The following CNTLN variants were observed in gnomAD, a reference collection of about 807,000 sequenced individuals.
CNTLN encodes centlein, centrosomal protein.
CNTLN carries 212 observed loss-of-function variants against 180.0 expected under a neutral mutation model. That is an observed-to-expected ratio of 1.18 (90% CI 1.05 to 1.32). CNTLN has a LOEUF of 1.32. Ranked by LOEUF, CNTLN falls within the 40% of genes most tolerant of loss-of-function variation. CNTLN has a pLI of 0.00. For missense variants in CNTLN, 2,095 were observed against 1,610.9 expected (o/e 1.30, Z -5.14); for synonymous variants, 722 against 563.1 (o/e 1.28, Z -3.99).
At position 17,475,884 on chromosome 9, in the gene CNTLN, A is replaced by C. The variant is rs1832313553; in HGVS notation, c.3856-8411A>C. Among the ~76,000 whole-genome samples, 3 of 151,930 alleles carry C rather than the reference A, an allele frequency of 2.0e-5. 1 individual carries two copies. Among genetic ancestry groups the C allele is most frequent in the South Asian group, 4.1e-4 (2 of 4,820 alleles). Reference sequence around the variant, plus strand: ...CAAGACTCTCTCTCAAAAAAAAAAAAAAAAAAGAAGATAGGATGTAGCTGT... The same window carrying C: ...CAAGACTCTCTCTCAAAAAAAAAAACAAAAAAGAAGATAGGATGTAGCTGT... On this transcript the variant is annotated intron_variant, in intron 23 of 25. Coordinates refer to ENST00000380647, the MANE Select transcript of CNTLN (RefSeq NM_017738.4).
chr9:17,477,315 GC>G (rs1254479629), intron 23 of CNTLN, among the ~76,000 whole-genome samples: 2 of 152,122 alleles, frequency 1.3e-5, no homozygotes, highest in African/African-American at 4.8e-5. Context: ...CCATTCTTCA[GC>G]TCATGTTTCA....
At chr9:17,413,716 A>G (rs2593388) in intron 16 of CNTLN, among the ~76,000 whole-genome samples, 137,505 of 152,200 alleles carry the variant, frequency 0.9, 62,612 homozygotes, top group Non-Finnish European at 0.97. Context: ...TGAAAATACC[A>G]AGTGCTGACC....
rs771928131 is a variant in CNTLN at position 17,484,304 on chromosome 9, A to G, written c.3865A>G (p.Lys1289Glu). The G allele has an allele frequency of 2.5e-6, 4 of 1,597,668 alleles. No homozygotes were observed. The African/African-American group carries it at 4.1e-5, about 16-fold the overall frequency. ...TTCCAATATGTTACAGGCTTTGGCC[A>G]AAGAGTTGCAAAATGATGTCCATGT... The part of the protein sequence containing the change: ...EFTTFVKALA[K>E]ELQNDVHVVR... The change falls in exon 24 of 26, where the codon AAA (lysine) becomes GAA (glutamate). Residue 1289 changes from lysine to glutamate, a missense_variant. By Grantham distance (56) the Lys-to-Glu change is moderately conservative (BLOSUM62 1). Coordinates refer to ENST00000380647, the MANE Select transcript of CNTLN (RefSeq NM_017738.4).
At chr9:17,141,064 T>G (rs1018771151) in intron 1 of CNTLN, among the ~76,000 whole-genome samples, 6 of 152,272 alleles carry the variant, frequency 3.9e-5, no homozygotes, top group Admixed American at 3.9e-4. Context: ...TAGACACAAG[T>G]CTAATTTTAA....
chr9:17,244,206 G>GTT, intron 5 of CNTLN, among the ~76,000 whole-genome samples: 1 of 81,320 alleles, frequency 1.2e-5, no homozygotes. Flanking sequence ...TATAGGTTAG[G>GTT]TTTTTGTTTT....
chr9:17,195,436 G>C (rs943592577), intron 2 of CNTLN, among the ~76,000 whole-genome samples: 2 of 151,572 alleles, frequency 1.3e-5, no homozygotes, highest in Admixed American at 6.6e-5. Flanking sequence ...TTTCCTTTTT[G>C]ATATACTTTC....
intron 9 of CNTLN, 118 bp from the exon 10 acceptor site, chr9:17,332,486 AT>A (rs3084508): frequency 0.24 from 186,814 of 763,878 alleles, 7,793 homozygotes; most frequent in South Asian, 0.33. Context: ...TCCATGCAGG[AT>A]TTTTTTTTTT....
At chr9:17,363,795 C>G (rs182319790) in intron 12 of CNTLN, among the ~76,000 whole-genome samples, 25 of 152,078 alleles carry the variant, frequency 1.6e-4, no homozygotes, top group African/African-American at 5.1e-4. Context: ...TTGTATATAT[C>G]TGTTAGTGTC....
chr9:17,522,686 T>A, the CNTLN span, among the ~76,000 whole-genome samples: 14 of 152,060 alleles, frequency 9.2e-5, no homozygotes, highest in African/African-American at 3.4e-4. Flanking sequence ...GGTACAAGGA[T>A]ATTCAGGCTA....
chr9:17,310,920 C>G (rs1029015799), intron 8 of CNTLN, among the ~76,000 whole-genome samples: 10 of 151,902 alleles, frequency 6.6e-5, no homozygotes, highest in Non-Finnish European at 1.3e-4. Context: ...TTTATATATT[C>G]TTAATATTAA....
intron 11 of CNTLN, 22 bp downstream of exon 11, chr9:17,340,970 G>A: frequency 6.3e-7 from 1 of 1,587,544 alleles, no homozygotes; most frequent in South Asian, 1.2e-5. Context: ...AGCTCATAAA[G>A]GCATTTCCCT....
At chr9:17,458,164 A>G (rs976572101) in intron 19 of CNTLN, among the ~76,000 whole-genome samples, 3 of 151,536 alleles carry the variant, frequency 2.0e-5, no homozygotes, top group Non-Finnish European at 3.0e-5. Context: ...TCTGTCTCCA[A>G]CCAACAACCA....
intron 25 of CNTLN, among the ~76,000 whole-genome samples, chr9:17,493,461 C>A (rs1049960679): frequency 6.6e-6 from 1 of 152,018 alleles, no homozygotes; most frequent in Non-Finnish European, 1.5e-5. Context: ...ACCTCCTATA[C>A]CGTGCTAAGG....
chr9:17,282,443 T>C (rs1474653376), intron 6 of CNTLN, among the ~76,000 whole-genome samples: 1 of 152,198 alleles, frequency 6.6e-6, no homozygotes, highest in East Asian at 1.9e-4. Context: ...GGCTGTTTGT[T>C]TTTTTCTTGT....
At chr9:17,213,123 C>T (rs574762570) in intron 2 of CNTLN, among the ~76,000 whole-genome samples, 1 of 152,094 alleles carries the variant, frequency 6.6e-6, no homozygotes, top group Non-Finnish European at 1.5e-5. Flanking sequence ...GCTCTTGCTT[C>T]TCTAGTTCTT....
At chr9:17,354,923 A>T (rs1205440534) in intron 12 of CNTLN, among the ~76,000 whole-genome samples, 1 of 151,994 alleles carries the variant, frequency 6.6e-6, no homozygotes. Context: ...CAGCGAGACC[A>T]CGAGCCCACC....
At chr9:17,191,994 A>T (rs1489273108) in intron 2 of CNTLN, among the ~76,000 whole-genome samples, 1 of 152,018 alleles carries the variant, frequency 6.6e-6, no homozygotes, top group Non-Finnish European at 1.5e-5. Flanking sequence ...TGTTTTTTTG[A>T]CTCAAAAATG....
In CNTLN at chr9:17,475,595, G is replaced by A. The variant is rs911643569; in HGVS notation, c.3856-8700G>A. 2.6e-5 allele frequency among the ~76,000 whole-genome samples: 4 copies of A among 151,934 alleles called. No homozygotes were observed. In the East Asian group the frequency reaches 5.8e-4, roughly 22 times the overall value. On this transcript the variant is annotated intron_variant, in intron 23 of 25. Coordinates refer to ENST00000380647, the MANE Select transcript of CNTLN (RefSeq NM_017738.4). Reference sequence around the variant, plus strand: ...ATAGTAAATAAAGAAGATAGGGGCCGGGCACAGTGGCTCACGTCTGTAATC... The same window carrying A: ...ATAGTAAATAAAGAAGATAGGGGCCAGGCACAGTGGCTCACGTCTGTAATC...
At chr9:17,382,154 A>G (rs1292486680) in intron 13 of CNTLN, among the ~76,000 whole-genome samples, 2 of 152,206 alleles carry the variant, frequency 1.3e-5, no homozygotes, top group African/African-American at 4.8e-5. Flanking sequence ...GGCTTTCTAG[A>G]TAGTCTGACC....
Sources: allele counts gnomAD v4.1 joint callset (sites outside exome capture counted in the v4.1 genomes callset), GRCh38; gene constraint gnomAD v4.1.1; transcripts MANE v1.5; gene names NCBI Gene and HGNC (gene_info 2026-07-23, HGNC 2026-07-21).